The following DENND4C variants were observed in gnomAD, a reference collection of about 807,000 sequenced individuals.
The protein encoded by DENND4C is DENN domain-containing protein 4C.
In DENND4C, 108 loss-of-function variants were observed where a neutral mutation model predicts 203.0. The ratio of observed to expected loss-of-function variants is 0.53; its 90% confidence interval spans 0.46 to 0.62. The LOEUF is 0.62. DENND4C is among the 20% of genes least tolerant of loss of function. DENND4C has a pLI of 0.00. For synonymous variants in DENND4C, 871 were observed against 792.4 expected (o/e 1.10, Z -1.67); for missense variants, 2,481 against 2,301.2 (o/e 1.08, Z -1.60).
At chr9:19,299,361 A>G (rs1237085744) in intron 8 of DENND4C, 74 bp downstream of exon 8, 8 of 983,074 alleles carry the variant, frequency 8.1e-6, no homozygotes, top group Non-Finnish European at 1.0e-5. Flanking sequence ...AGTGATTAGT[A>G]TATTATTAAT....
In DENND4C at chr9:19,332,029, C is replaced by T. The variant is rs1819336916; in HGVS notation, c.2305C>T (p.Gln769Ter). The T allele has an allele frequency of 6.2e-7, 1 of 1,613,920 alleles. No individual in the cohort carries two copies. Among genetic ancestry groups the T allele is most frequent in the Non-Finnish European group, 8.5e-7 (1 of 1,180,004 alleles). The change falls in exon 17 of 33, where the codon CAG (glutamine) becomes TAG (stop). Residue 769 changes from glutamine to a stop codon, truncating the protein, a stop_gained. Transcript: ENST00000434457. LOFTEE classifies it high-confidence loss of function. ...LAKRCYTNPPQWAKCLFSHCY... is the reference protein window; with the variant it reads ...LAKRCYTNPP ...GAAGAGATGTTATACAAATCCACCA[C>T]AGTGGGCCAAGTGTCTGTTTAGTCA...
intron 2 of DENND4C, among the ~76,000 whole-genome samples, chr9:19,282,743 G>C (rs1223279650): frequency 9.9e-6 from 1 of 100,976 alleles, no homozygotes; most frequent in African/African-American, 4.2e-5. Flanking sequence ...TTGAGACAGA[G>C]TCTCACTCTG....
intron 1 of DENND4C, 32 bp downstream of exon 1, chr9:19,230,865 G>C (rs1820334080): frequency 1.3e-5 from 2 of 152,594 alleles, no homozygotes; most frequent in African/African-American, 4.8e-5. Flanking sequence ...TTTGGCGGAG[G>C]AAGCCTGCGC....
At chr9:19,248,974 A>G (rs763794466) in intron 1 of DENND4C, among the ~76,000 whole-genome samples, 7 of 151,912 alleles carry the variant, frequency 4.6e-5, no homozygotes, top group Non-Finnish European at 1.0e-4. Context: ...TATTTTTAGT[A>G]GAGATGGGGT....
chr9:19,348,273 T>G (rs1300930934), intron 23 of DENND4C, among the ~76,000 whole-genome samples: 1 of 152,220 alleles, frequency 6.6e-6, no homozygotes, highest in African/African-American at 2.4e-5. Context: ...ATAGTAGAAC[T>G]ATGATTTGAA....
At chr9:19,231,661 T>TA (rs1820599555) in intron 1 of DENND4C, among the ~76,000 whole-genome samples, 1 of 151,874 alleles carries the variant, frequency 6.6e-6, no homozygotes, top group African/African-American at 2.4e-5. Flanking sequence ...CTTCTCCCCT[T>TA]ATGTATGTTT....
intron 1 of DENND4C, among the ~76,000 whole-genome samples, chr9:19,271,196 G>A (rs1177290773): frequency 2.0e-5 from 3 of 148,134 alleles, no homozygotes; most frequent in African/African-American, 7.5e-5. Context: ...AAATTAATAT[G>A]GATTCTTTTT....
intron 16 of DENND4C, among the ~76,000 whole-genome samples, chr9:19,328,657 G>A (rs2666799): frequency 0.16 from 18,753 of 119,078 alleles, 1,294 homozygotes; most frequent in East Asian, 0.29. Context: ...CTGTCTGTCT[G>A]TCTATCTATC....
intron 8 of DENND4C, among the ~76,000 whole-genome samples, chr9:19,299,552 C>T (rs2131302846): frequency 6.6e-6 from 1 of 152,206 alleles, no homozygotes; most frequent in African/African-American, 2.4e-5. Context: ...CTCCCCTTCC[C>T]ATATCCAGTT....
At chr9:19,263,284 T>C (rs1213378817) in intron 1 of DENND4C, among the ~76,000 whole-genome samples, 1 of 152,056 alleles carries the variant, frequency 6.6e-6, no homozygotes. Flanking sequence ...CTGGTTTAAA[T>C]CCCACAGGGT....
At chr9:19,287,915 A>G (rs1835535001) in intron 3 of DENND4C, among the ~76,000 whole-genome samples, 1 of 152,038 alleles carries the variant, frequency 6.6e-6, no homozygotes, top group South Asian at 2.1e-4. Flanking sequence ...TATGTTTAGT[A>G]GAGATGAGGT....
chr9:19,277,799 A>G (rs1355261509), intron 2 of DENND4C, among the ~76,000 whole-genome samples: 4 of 152,130 alleles, frequency 2.6e-5, no homozygotes, highest in African/African-American at 9.7e-5. Flanking sequence ...AATATTCCTT[A>G]AATACCATTT....
intron 1 of DENND4C, among the ~76,000 whole-genome samples, chr9:19,260,371 G>GGTTATGTTAC (rs1829050797): frequency 6.8e-6 from 1 of 147,076 alleles, no homozygotes. Flanking sequence ...TATATGTTCT[G>GGTTATGTTAC]GTTATGTTAT....
In DENND4C at chr9:19,259,747, C is replaced by T. The variant is rs182477608; in HGVS notation, c.-17-16411C>T. Among the ~76,000 whole-genome samples the T allele has an allele frequency of 1.9e-3, 293 of 152,082 alleles. 1 individual carries two copies. Among genetic ancestry groups the T allele is most frequent in the Middle Eastern group, 0.017 (5 of 294 alleles). ...CTCAAACTCCTGACCTCAGGTGATC[C>T]GCCCGCCTCGGCCTCCCACAATGCT... On this transcript the variant is annotated intron_variant, in intron 1 of 32. Coordinates refer to ENST00000434457, the MANE Select transcript of DENND4C (RefSeq NM_001330640.2).
At chr9:19,289,998 T>C (rs1456770813) in intron 4 of DENND4C, among the ~76,000 whole-genome samples, 1 of 152,176 alleles carries the variant, frequency 6.6e-6, no homozygotes, top group Non-Finnish European at 1.5e-5. Context: ...GAGACACTTA[T>C]TTTAGAATAG....
chr9:19,315,781 C>G lies in DENND4C; in HGVS notation c.1488-636C>G, dbSNP rs372601825. On this transcript the variant is annotated intron_variant, in intron 10 of 32. Coordinates refer to ENST00000434457, the MANE Select transcript of DENND4C (RefSeq NM_001330640.2). ...AGTGCAGTAGCGCAATCTCGGCTCACTGCAACCTCCGCCTCCTGGGTTCAA... is the reference window on the plus strand; with the variant it reads ...AGTGCAGTAGCGCAATCTCGGCTCAGTGCAACCTCCGCCTCCTGGGTTCAA... Among the ~76,000 whole-genome samples, 17 of 151,780 alleles carry G rather than the reference C, an allele frequency of 1.1e-4. No individual in the cohort carries two copies. In the South Asian group the frequency reaches 3.3e-3, roughly 30 times the overall value.
At chr9:19,280,554 C>A (rs1178176465) in intron 2 of DENND4C, among the ~76,000 whole-genome samples, 1 of 151,350 alleles carries the variant, frequency 6.6e-6, no homozygotes, top group African/African-American at 2.4e-5. Context: ...GTTTTTTTTT[C>A]TCTATGGTTT....
chr9:19,333,111 C>T (rs1302184817), intron 17 of DENND4C, among the ~76,000 whole-genome samples: 2 of 151,998 alleles, frequency 1.3e-5, no homozygotes, highest in South Asian at 4.2e-4. Flanking sequence ...AACTTAAGGG[C>T]TCAAGTGATT....
intron 31 of DENND4C, 194 bp from the exon 32 acceptor site, chr9:19,371,562 T>C (rs1447674846): frequency 2.6e-6 from 1 of 377,604 alleles, no homozygotes; most frequent in Admixed American, 4.8e-5. Context: ...GAATTCAATG[T>C]AGCCTTCACA....
Sources: allele counts gnomAD v4.1 joint callset (sites outside exome capture counted in the v4.1 genomes callset), GRCh38; gene constraint gnomAD v4.1.1; transcripts MANE v1.5; gene names NCBI Gene and HGNC (gene_info 2026-07-23, HGNC 2026-07-21).